The following GULP1 variants were observed in gnomAD, a reference collection of about 807,000 sequenced individuals.
GULP1 encodes GULP PTB domain containing engulfment adaptor 1.
GULP1 carries 19 observed loss-of-function variants against 40.9 expected under a neutral mutation model. The ratio of observed to expected loss-of-function variants is 0.46; its 90% confidence interval spans 0.32 to 0.68. The LOEUF (loss-of-function observed/expected upper bound fraction) is 0.68, where lower values mean the gene tolerates loss of function less well. Ranked by LOEUF, GULP1 falls within the 30% of genes least tolerant of loss-of-function variation. The pLI, the probability that GULP1 is intolerant of heterozygous loss-of-function variation, is 0.03. For missense variants in GULP1, 312 were observed against 362.2 expected, an observed-to-expected ratio of 0.86 and a Z score of 1.12; for synonymous variants, 119 against 117.6, an observed-to-expected ratio of 1.01 and a Z score of -0.08.
intron 4 of GULP1, among the ~76,000 whole-genome samples, chr2:188,488,730 GC>G (rs551273501): frequency 1.1e-4 from 16 of 152,128 alleles, no homozygotes; most frequent in African/African-American, 3.9e-4. Flanking sequence ...GGAATTATAT[GC>G]AAGAGAATGC....
intron 1 of GULP1, among the ~76,000 whole-genome samples, chr2:188,331,834 T>A (rs1346053598): frequency 1.3e-5 from 2 of 152,242 alleles, no homozygotes; most frequent in Non-Finnish European, 2.9e-5. Context: ...AATTATTACA[T>A]ATAACTTTTA....
intron 1 of GULP1, among the ~76,000 whole-genome samples, chr2:188,296,427 A>G (rs760486279): frequency 2.0e-5 from 3 of 152,062 alleles, no homozygotes; most frequent in Non-Finnish European, 4.4e-5. Flanking sequence ...AGCCACTCTA[A>G]TGATGCTTAC....
At chr2:188,538,710 T>G (rs558865377) in intron 6 of GULP1, among the ~76,000 whole-genome samples, 2 of 151,916 alleles carry the variant, frequency 1.3e-5, no homozygotes, top group South Asian at 2.1e-4. Flanking sequence ...TGTGTGTGTG[T>G]GTGTGTGTGT....
rs1338722990 is a variant in GULP1, at chr2:188,522,764, C to T, written c.99C>T (p.Gly33=). 5 of 1,606,728 alleles carry T rather than the reference C, an allele frequency of 3.1e-6. No individual in the cohort carries two copies. The highest frequency in any genetic ancestry group is 2.6e-6 in the Non-Finnish European group (3 of 1,173,714). Residue 33 remains glycine, a synonymous_variant, in exon 5 of 12, where the codon GGC becomes GGT. Coordinates refer to ENST00000409830, the MANE Select transcript of GULP1 (RefSeq NM_016315.4). ...CAAATGACCATTTTCAGTTTCTTGG[C>T]AGTACAGAAGTGGAACAGCCAAAAG... ...HFIPYNAKFL[G]STEVEQPKGT...
At chr2:188,293,254 C>T (rs2034186528) in intron 1 of GULP1, 1 of 152,216 alleles carries the variant, frequency 6.6e-6, no homozygotes, top group African/African-American at 2.4e-5. Context: ...TCGCCTTACT[C>T]ATTTGCAATC....
At chr2:188,583,195 G>C (rs13420893) in intron 9 of GULP1, among the ~76,000 whole-genome samples, 7,134 of 152,040 alleles carry the variant, frequency 0.047, 556 homozygotes, top group African/African-American at 0.16. Context: ...AAGAAAGGGG[G>C]ATGACAGCAA....
At chr2:188,299,099 C>T (rs962233274) in intron 1 of GULP1, among the ~76,000 whole-genome samples, 5 of 151,758 alleles carry the variant, frequency 3.3e-5, no homozygotes, top group African/African-American at 7.3e-5. Flanking sequence ...GCTGGAGTGG[C>T]GGGGTGAGAA....
intron 4 of GULP1, among the ~76,000 whole-genome samples, chr2:188,503,400 C>A (rs566822935): frequency 4.7e-4 from 72 of 151,734 alleles, no homozygotes; most frequent in Middle Eastern, 3.4e-3. Flanking sequence ...CAAGCACCTT[C>A]TTCAGAAGGT....
chr2:188,476,848 T>C (rs1337494425), intron 2 of GULP1, among the ~76,000 whole-genome samples: 1 of 152,138 alleles, frequency 6.6e-6, no homozygotes, highest in Non-Finnish European at 1.5e-5. Context: ...GACCTTAATG[T>C]GAATTGTCTC....
At chr2:188,293,802 GGCCGGCA>G (rs1193534503) in intron 1 of GULP1, 2 of 152,302 alleles carry the variant, frequency 1.3e-5, no homozygotes, top group Non-Finnish European at 1.5e-5. Context: ...AGAGGAACCT[GGCCGGCA>G]GCCAAACTAG....
intron 10 of GULP1, among the ~76,000 whole-genome samples, chr2:188,586,844 T>A (rs1441827809): frequency 6.6e-6 from 1 of 152,000 alleles, no homozygotes; most frequent in Non-Finnish European, 1.5e-5. Flanking sequence ...ATGGCAGAAA[T>A]CAAGTAGCAT....
chr2:188,314,283 G>C (rs758957271), intron 1 of GULP1, among the ~76,000 whole-genome samples: 2 of 152,106 alleles, frequency 1.3e-5, no homozygotes, highest in Admixed American at 6.5e-5. Context: ...TAGGGGAATT[G>C]TCTCTGTCCT....
chr2:188,386,116 C>T (rs774438069), intron 2 of GULP1, among the ~76,000 whole-genome samples: 3 of 152,120 alleles, frequency 2.0e-5, no homozygotes, highest in Non-Finnish European at 4.4e-5. Context: ...CAAGACTGGG[C>T]AATCTACAAA....
rs374667646 is a variant in GULP1, at chr2:188,454,190, G to T, written c.-44-23469G>T. Among the ~76,000 whole-genome samples the T allele has an allele frequency of 4.8e-4, 73 of 152,242 alleles. No homozygotes were observed. The South Asian group carries it at 0.015, about 32-fold the overall frequency. Reference sequence around the variant, plus strand: ...CTAAGGATATGCTGACAATTTCAACGGTGAGGATGGCAGAGAATAATTTTA... The same window carrying T: ...CTAAGGATATGCTGACAATTTCAACTGTGAGGATGGCAGAGAATAATTTTA... On this transcript the variant is annotated intron_variant, in intron 2 of 11. Coordinates refer to ENST00000409830, the MANE Select transcript of GULP1 (RefSeq NM_016315.4).
intron 7 of GULP1, among the ~76,000 whole-genome samples, chr2:188,559,881 C>G (rs954180064): frequency 6.6e-6 from 1 of 152,120 alleles, no homozygotes; most frequent in African/African-American, 2.4e-5. Flanking sequence ...GTGAATAAGT[C>G]TCATGAGATC....
intron 1 of GULP1, among the ~76,000 whole-genome samples, chr2:188,338,063 C>CT (rs2042498486): frequency 6.6e-6 from 1 of 151,832 alleles, no homozygotes; most frequent in African/African-American, 2.4e-5. Flanking sequence ...TTTGTAATTC[C>CT]TTTAATTATA....
intron 3 of GULP1, among the ~76,000 whole-genome samples, chr2:188,482,635 G>A (rs1273094826): frequency 6.6e-6 from 1 of 151,076 alleles, no homozygotes; most frequent in Non-Finnish European, 1.5e-5. Flanking sequence ...CAAAATATTG[G>A]GGAAAATATG....
intron 1 of GULP1, among the ~76,000 whole-genome samples, chr2:188,303,424 T>C (rs781586199): frequency 1.3e-5 from 2 of 152,154 alleles, no homozygotes; most frequent in Non-Finnish European, 2.9e-5. Flanking sequence ...CAAAGTGTCA[T>C]AATGGGCAGG....
intron 2 of GULP1, among the ~76,000 whole-genome samples, chr2:188,435,618 C>G (rs1271139440): frequency 6.6e-6 from 1 of 151,962 alleles, no homozygotes; most frequent in East Asian, 1.9e-4. Context: ...ATACCTGTGT[C>G]CTTGGCGTAG....
Sources: gnomAD v4.1 joint callset for allele counts (sites outside exome capture counted in the v4.1 genomes callset) on GRCh38, gnomAD v4.1.1 for gene constraint, MANE v1.5 for transcripts, NCBI Gene and HGNC (gene_info 2026-07-23, HGNC 2026-07-21) for gene names.